Variants in RAB6A observed in about 807,000 individuals in gnomAD.
The protein encoded by RAB6A is RAB6A, member RAS oncogene family.
Under a neutral mutation model 32.3 loss-of-function variants are expected in RAB6A, and 8 were observed. That is an observed-to-expected ratio of 0.25 (90% confidence interval 0.15 to 0.45). RAB6A has a LOEUF of 0.45. Among genes scored for constraint, RAB6A ranks in the 20% least tolerant of loss-of-function variants. The pLI is 1.00. For missense variants in RAB6A, 104 were observed against 249.4 expected (o/e 0.42, Z 3.93); for synonymous variants, 73 against 82.1 (o/e 0.89, Z 0.60).
chr11:73,749,073 C>T (rs1946636579), intron 1 of RAB6A, among the ~76,000 whole-genome samples: 1 of 151,790 alleles, frequency 6.6e-6, no homozygotes, highest in South Asian at 2.1e-4. Context: ...TGCAGTGAGC[C>T]GAGATCACGA....
chr11:73,745,248 T>C (rs941363479), intron 1 of RAB6A, among the ~76,000 whole-genome samples: 8 of 152,208 alleles, frequency 5.3e-5, no homozygotes, highest in Non-Finnish European at 1.0e-4. Context: ...GTATTTTTCT[T>C]GTTCATAGCT....
chr11:73,737,551 A>G (rs572123298), intron 1 of RAB6A, among the ~76,000 whole-genome samples: 60 of 152,344 alleles, frequency 3.9e-4, no homozygotes, highest in African/African-American at 1.4e-3. Flanking sequence ...ACTACCCATA[A>G]GAGCCAAAGT....
At chr11:73,689,886 A>G (rs950761774) in intron 6 of RAB6A, among the ~76,000 whole-genome samples, 8 of 126,254 alleles carry the variant, frequency 6.3e-5, no homozygotes, top group Admixed American at 2.9e-4. Context: ...ACACAGTGAG[A>G]CTCCGTCTCA....
intron 6 of RAB6A, among the ~76,000 whole-genome samples, chr11:73,700,902 G>A (rs900004871): frequency 1.3e-5 from 2 of 152,102 alleles, no homozygotes; most frequent in Non-Finnish European, 2.9e-5. Flanking sequence ...TAAGTAAGAA[G>A]GCAAAGTAGT....
intron 1 of RAB6A, among the ~76,000 whole-genome samples, chr11:73,740,585 T>C (rs1173564270): frequency 1.4e-5 from 2 of 147,612 alleles, no homozygotes; most frequent in Non-Finnish European, 3.0e-5. Context: ...CTAAAGTTAA[T>C]TTAAAAAAAA....
chr11:73,720,649 C>T (rs1946122146), intron 3 of RAB6A, among the ~76,000 whole-genome samples, 197 bp downstream of exon 3: 1 of 152,144 alleles, frequency 6.6e-6, no homozygotes, highest in Admixed American at 6.5e-5. Context: ...CTCTGTAAAG[C>T]TCTTTGTTTT....
intron 6 of RAB6A, among the ~76,000 whole-genome samples, chr11:73,684,955 C>G (rs371693391): frequency 2.3e-4 from 35 of 152,332 alleles, no homozygotes; most frequent in African/African-American, 8.2e-4. Context: ...TAGTAGTTTG[C>G]TCTCAGACTT....
intron 5 of RAB6A, among the ~76,000 whole-genome samples, chr11:73,714,703 C>T (rs960255503): frequency 6.6e-5 from 10 of 152,010 alleles, no homozygotes; most frequent in Admixed American, 1.3e-4. Flanking sequence ...TGGCAGGGCG[C>T]GGTGGCTCAC....
intron 6 of RAB6A, among the ~76,000 whole-genome samples, chr11:73,693,358 T>C (rs1945607072): frequency 6.6e-6 from 1 of 151,820 alleles, no homozygotes; most frequent in Non-Finnish European, 1.5e-5. Flanking sequence ...GCAAATATAA[T>C]TGGAATGAAT....
intron 6 of RAB6A, among the ~76,000 whole-genome samples, chr11:73,684,249 A>T (rs1302129948): frequency 2.6e-5 from 4 of 151,338 alleles, no homozygotes; most frequent in Non-Finnish European, 5.9e-5. Context: ...GCTTACCGCA[A>T]CCTCTGCCTC....
intron 5 of RAB6A, among the ~76,000 whole-genome samples, chr11:73,711,489 T>C (rs1432981798): frequency 1.3e-5 from 2 of 152,212 alleles, no homozygotes; most frequent in African/African-American, 2.4e-5. Flanking sequence ...GTTCGTAAGT[T>C]TGTCAAACCA....
At chr11:73,701,339 C>G (rs1287972296) in intron 6 of RAB6A, among the ~76,000 whole-genome samples, 1 of 152,144 alleles carries the variant, frequency 6.6e-6, no homozygotes, top group Admixed American at 6.5e-5. Flanking sequence ...ACGGTAATAA[C>G]AGGCATGTAA....
intron 1 of RAB6A, among the ~76,000 whole-genome samples, chr11:73,746,958 C>CG (rs1946597041): frequency 6.6e-6 from 1 of 152,052 alleles, no homozygotes; most frequent in African/African-American, 2.4e-5. Flanking sequence ...GTTTTTGAGA[C>CG]GGAGTCTCGC....
At chr11:73,682,236 T>A (rs1485725907) in intron 6 of RAB6A, among the ~76,000 whole-genome samples, 1 of 151,862 alleles carries the variant, frequency 6.6e-6, no homozygotes, top group Non-Finnish European at 1.5e-5. Context: ...GGTGGGAAAA[T>A]CAAGCAATTG....
intron 2 of RAB6A, chr11:73,722,305 G>GTGTGTATATATATATATATATATATATA (rs1238666420): frequency 2.4e-5 from 1 of 42,368 alleles, no homozygotes; most frequent in Non-Finnish European, 4.4e-5. Flanking sequence ...ATGTGTGTGT[G>GTGTGTATATATATATATATATATATATA]TATATATATA....
rs1482538577 is a variant in RAB6A at position 73,739,278 on chromosome 11, AAAAAAAAT to A, written c.71-8463_71-8456del. 2.1e-4 allele frequency among the ~76,000 whole-genome samples: 4 copies of A among 18,834 alleles called. 1 individual carries two copies. The Admixed American group carries it at 2.7e-3, about 13-fold the overall frequency. The allele number at this position is 18,834 out of a possible 152,430, so 12.4% of individuals were successfully genotyped here. ...TAATAATAATTAAAAAAAAAAAAAAAAAAAAAATATATATATATATATATATAAATACT... is the reference window on the plus strand; with the variant it reads ...TAATAATAATTAAAAAAAAAAAAAAAATATATATATATATATATAAATACT... On this transcript the variant is annotated intron_variant, in intron 1 of 7. Coordinates refer to ENST00000336083, the MANE Select transcript of RAB6A (RefSeq NM_198896.2).
intron 3 of RAB6A, 75 bp from the exon 4 acceptor site, chr11:73,718,793 T>A: frequency 2.5e-6 from 4 of 1,614,086 alleles, no homozygotes; most frequent in Non-Finnish European, 3.4e-6. Context: ...ACTTGTGATA[T>A]CGTAAACTAC....
At position 73,744,511 on chromosome 11, in the gene RAB6A, C is replaced by CAAA. The variant is rs555388622; in HGVS notation, c.71-13691_71-13689dup. On this transcript the variant is annotated intron_variant, in intron 1 of 7. Coordinates refer to ENST00000336083, the MANE Select transcript of RAB6A (RefSeq NM_198896.2). The stretch of plus-strand genomic sequence containing the variant: ...GGGCAACAGAGTGAGACCCTGTCTC[C>CAAA]AAAAAAAAAAAAAAAAAAAAAAAAA... Among the ~76,000 whole-genome samples the CAAA allele has an allele frequency of 7.7e-4, 49 of 63,748 alleles. 2 individuals are homozygous for CAAA. The highest frequency in any genetic ancestry group is 3.1e-3 in the African/African-American group (43 of 13,734). 41.8% of individuals were successfully genotyped at this position (63,748 alleles called of 152,430 possible). A position where few individuals can be genotyped will look rare whatever the true frequency, so the allele number is the denominator to read the frequency against.
At chr11:73,709,504 G>C (rs577851216) in intron 5 of RAB6A, among the ~76,000 whole-genome samples, 1 of 146,292 alleles carries the variant, frequency 6.8e-6, no homozygotes, top group Non-Finnish European at 1.5e-5. Flanking sequence ...ATGTTTTATA[G>C]TAATTACTGA....
Sources: gnomAD v4.1 joint callset for allele counts (sites outside exome capture counted in the v4.1 genomes callset) on GRCh38, gnomAD v4.1.1 for gene constraint, MANE v1.5 for transcripts, NCBI Gene and HGNC (gene_info 2026-07-23, HGNC 2026-07-21) for gene names.